Variants in ASIC2 observed in about 807,000 individuals in gnomAD.
ASIC2 encodes the protein acid-sensing ion channel 2.
In ASIC2, 25 loss-of-function variants were observed where a neutral mutation model predicts 57.3. The observed-to-expected ratio is 0.44, with a 90% CI of 0.32 to 0.61. The LOEUF is 0.61. ASIC2 is among the 20% of genes least tolerant of loss of function. The pLI, the probability that ASIC2 is intolerant of heterozygous loss-of-function variation, is 0.06. For synonymous variants in ASIC2, 319 were observed against 307.5 expected (o/e 1.04, Z -0.39); for missense variants, 641 against 738.1 (o/e 0.87, Z 1.52).
intron 1 of ASIC2, among the ~76,000 whole-genome samples, chr17:33,916,570 T>C (rs1187105819): frequency 1.3e-5 from 2 of 152,222 alleles, no homozygotes; most frequent in Non-Finnish European, 2.9e-5. Flanking sequence ...GAAAGAATTC[T>C]AGCTGATGCA....
rs1398270025 is a variant in ASIC2 at position 33,668,486 on chromosome 17, T to C, written c.555+487492A>G. On this transcript the variant is annotated intron_variant, in intron 1 of 9. Transcript: ENST00000359872. ...GCAGTAAGGGGCAAAGTTCTTCTCATGCTGCCATCTCTCTGGTTTTCCGCA... is the reference window on the plus strand; with the variant it reads ...GCAGTAAGGGGCAAAGTTCTTCTCACGCTGCCATCTCTCTGGTTTTCCGCA... Among the ~76,000 whole-genome samples the C allele has an allele frequency of 4.6e-5, 7 of 152,190 alleles. No homozygotes were observed. The East Asian group carries it at 1.4e-3, about 29-fold the overall frequency.
intron 1 of ASIC2, among the ~76,000 whole-genome samples, chr17:34,025,779 G>A (rs576771349): frequency 3.3e-5 from 5 of 152,324 alleles, no homozygotes; most frequent in African/African-American, 1.2e-4. Flanking sequence ...CAACAAAAGA[G>A]GGATAAAATA....
At chr17:33,800,073 G>A (rs1912087254) in intron 1 of ASIC2, among the ~76,000 whole-genome samples, 1 of 152,104 alleles carries the variant, frequency 6.6e-6, no homozygotes, top group Admixed American at 6.6e-5. Context: ...TATGACCTTA[G>A]CTGGTCCTCC....
intron 1 of ASIC2, among the ~76,000 whole-genome samples, chr17:33,467,960 G>A (rs1272859316): frequency 6.6e-6 from 1 of 152,200 alleles, no homozygotes; most frequent in Non-Finnish European, 1.5e-5. Context: ...ATATTTTACA[G>A]CATTTGACCC....
intron 1 of ASIC2, among the ~76,000 whole-genome samples, chr17:33,500,284 A>G (rs1279660278): frequency 2.0e-5 from 3 of 152,070 alleles, no homozygotes; most frequent in Non-Finnish European, 4.4e-5. Flanking sequence ...TCATAATCAC[A>G]CCAACATGAT....
chr17:33,715,380 G>C (rs150486338), intron 1 of ASIC2, among the ~76,000 whole-genome samples: 171 of 152,298 alleles, frequency 1.1e-3, no homozygotes, highest in African/African-American at 4.1e-3. Context: ...CCATGGGAAC[G>C]TGGCTTGCTG....
intron 1 of ASIC2, among the ~76,000 whole-genome samples, chr17:33,905,578 G>A (rs1290655116): frequency 6.6e-6 from 1 of 152,196 alleles, no homozygotes; most frequent in African/African-American, 2.4e-5. Flanking sequence ...ATGCAAAGTA[G>A]GGATGCTAGG....
intron 1 of ASIC2, among the ~76,000 whole-genome samples, chr17:33,593,735 G>A (rs1879333075): frequency 6.6e-6 from 1 of 152,160 alleles, no homozygotes; most frequent in African/African-American, 2.4e-5. Context: ...AGAACTGAAG[G>A]GTAATAAGTA....
intron 1 of ASIC2, among the ~76,000 whole-genome samples, chr17:33,186,661 G>A (rs985944108): frequency 3.9e-5 from 6 of 152,234 alleles, no homozygotes; most frequent in Non-Finnish European, 8.8e-5. Flanking sequence ...TTTTGCAAAG[G>A]GGGCGAGAGC....
intron 3 of ASIC2, among the ~76,000 whole-genome samples, chr17:33,078,935 C>T (rs1163931105): frequency 6.6e-6 from 1 of 152,076 alleles, no homozygotes; most frequent in African/African-American, 2.4e-5. Context: ...CTAAGTGGGG[C>T]AGTGTGTAGA....
At chr17:33,879,903 GTCTC>G (rs1914656904) in intron 1 of ASIC2, among the ~76,000 whole-genome samples, 1 of 152,178 alleles carries the variant, frequency 6.6e-6, no homozygotes. Flanking sequence ...GTAACAAACT[GTCTC>G]TCAGACCACA....
intron 1 of ASIC2, among the ~76,000 whole-genome samples, chr17:33,120,829 G>T (rs1380231414): frequency 6.6e-6 from 1 of 152,192 alleles, no homozygotes; most frequent in East Asian, 1.9e-4. Flanking sequence ...TGTTCCCAGG[G>T]CCTGGCCTGG....
intron 1 of ASIC2, among the ~76,000 whole-genome samples, chr17:34,015,847 C>G (rs185165129): frequency 1.3e-3 from 205 of 152,290 alleles, no homozygotes; most frequent in African/African-American, 4.8e-3. Context: ...TGACCTTGGG[C>G]AAATGCCCAA....
At chr17:33,961,996 A>G (rs751655296) in intron 1 of ASIC2, among the ~76,000 whole-genome samples, 11 of 152,186 alleles carry the variant, frequency 7.2e-5, no homozygotes, top group Non-Finnish European at 1.6e-4. Flanking sequence ...CCTCGGTTCC[A>G]GATGAGGCCG....
At chr17:34,120,312 C>T in intron 1 of ASIC2, 1 of 152,732 alleles carries the variant, frequency 6.5e-6, no homozygotes. Context: ...AACTCCTCAG[C>T]CATCCCACCT....
intron 1 of ASIC2, among the ~76,000 whole-genome samples, chr17:33,880,081 G>C (rs1567744107): frequency 6.6e-6 from 1 of 152,168 alleles, no homozygotes; most frequent in Non-Finnish European, 1.5e-5. Flanking sequence ...CAACATACCA[G>C]AATCTCTGGG....
intron 1 of ASIC2, among the ~76,000 whole-genome samples, chr17:33,939,168 A>G (rs1040177749): frequency 6.6e-6 from 1 of 152,240 alleles, no homozygotes; most frequent in Non-Finnish European, 1.5e-5. Flanking sequence ...CTGTTGTCAC[A>G]AGATAGTAAA....
chr17:33,211,529 T>C (rs1158446194), intron 1 of ASIC2, among the ~76,000 whole-genome samples: 1 of 140,802 alleles, frequency 7.1e-6, no homozygotes, highest in African/African-American at 3.1e-5. Flanking sequence ...TAAACATCTC[T>C]TTAAATGAAA....
chr17:33,368,884 T>C (rs996174983), intron 1 of ASIC2, among the ~76,000 whole-genome samples: 1 of 152,128 alleles, frequency 6.6e-6, no homozygotes, highest in African/African-American at 2.4e-5. Context: ...GAGAGGGACA[T>C]GGGTACCAGG....
Sources: gnomAD v4.1 joint callset for allele counts (sites outside exome capture counted in the v4.1 genomes callset) on GRCh38, gnomAD v4.1.1 for gene constraint, MANE v1.5 for transcripts, NCBI Gene and HGNC (gene_info 2026-07-23, HGNC 2026-07-21) for gene names.